MAP4K4: variants seen among roughly 807,000 people sequenced by gnomAD.
The protein encoded by MAP4K4 is mitogen-activated protein kinase kinase kinase kinase 4.
MAP4K4 carries 38 observed loss-of-function variants against 189.6 expected under a neutral mutation model. The observed-to-expected ratio is 0.20, with a 90% CI of 0.15 to 0.26. The LOEUF is 0.26. Among genes scored for constraint, MAP4K4 ranks in the 10% least tolerant of loss-of-function variants. The pLI is 1.00. For missense variants in MAP4K4, 1,054 were observed against 1,726.9 expected, an observed-to-expected ratio of 0.61 and a Z score of 6.91; for synonymous variants, 610 against 624.3, an observed-to-expected ratio of 0.98 and a Z score of 0.34.
At chr2:101,748,114 T>C (rs1414315877) in intron 2 of MAP4K4, among the ~76,000 whole-genome samples, 1 of 152,240 alleles carries the variant, frequency 6.6e-6, no homozygotes, top group Admixed American at 6.5e-5. Context: ...GTCTCTGGTG[T>C]AAAACAGCAT....
At chr2:101,795,435 A>G (rs550129532) in intron 3 of MAP4K4, among the ~76,000 whole-genome samples, 2 of 152,284 alleles carry the variant, frequency 1.3e-5, no homozygotes, top group South Asian at 2.1e-4. Context: ...GTTTCCATCA[A>G]TTACAGCTGT....
chr2:101,764,090 G>A (rs995448397), intron 2 of MAP4K4, among the ~76,000 whole-genome samples: 6 of 152,066 alleles, frequency 3.9e-5, no homozygotes, highest in Non-Finnish European at 7.4e-5. Flanking sequence ...TGTTCCCTAA[G>A]GAGGGTTTAT....
At chr2:101,789,450 A>G (rs1315114033) in intron 2 of MAP4K4, among the ~76,000 whole-genome samples, 1 of 152,154 alleles carries the variant, frequency 6.6e-6, no homozygotes, top group Non-Finnish European at 1.5e-5. Context: ...GGGCACTACT[A>G]TGATCTCACT....
At position 101,859,101 on chromosome 2, in the gene MAP4K4, T is replaced by G. The variant is rs1384019317; in HGVS notation, c.1482+19T>G. Reference sequence around the variant, plus strand: ...GTTACTGGTAAAGCCCCGCCTCTGTTTCATTCTGTAGCATCAGGGCTCCTT... The same window carrying G: ...GTTACTGGTAAAGCCCCGCCTCTGTGTCATTCTGTAGCATCAGGGCTCCTT... On this transcript the variant is annotated intron_variant, in intron 14 of 32. Transcript: ENST00000324219. 5 of 1,602,952 alleles carry G rather than the reference T, an allele frequency of 3.1e-6. No individual in the cohort carries two copies. Among genetic ancestry groups the G allele is most frequent in the African/African-American group, 2.7e-5 (2 of 74,764 alleles).
At chr2:101,737,376 T>A (rs941910633) in intron 2 of MAP4K4, among the ~76,000 whole-genome samples, 1 of 142,466 alleles carries the variant, frequency 7.0e-6, no homozygotes, top group African/African-American at 2.6e-5. Flanking sequence ...ACTTAGGGAA[T>A]GCACAGTATT....
In MAP4K4 at chr2:101,876,866, A is replaced by G. The variant is rs116821088; in HGVS notation, c.3242-137A>G. The G allele has an allele frequency of 3.0e-3, 2,367 of 776,094 alleles. 50 individuals carry two copies. In the African/African-American group the frequency reaches 0.037, roughly 12 times the overall value. 48.1% of individuals were successfully genotyped at this position (776,094 alleles called of 1,614,324 possible). On this transcript the variant is annotated intron_variant, in intron 26 of 32. Coordinates refer to ENST00000324219, the Ensembl canonical transcript of MAP4K4. ...TACTTTAACTGTTTAACCTTTGACTATTTTAAGGATTTCTGCTTCTGGGTG... is the reference window on the plus strand; with the variant it reads ...TACTTTAACTGTTTAACCTTTGACTGTTTTAAGGATTTCTGCTTCTGGGTG...
intron 3 of MAP4K4, among the ~76,000 whole-genome samples, chr2:101,803,824 T>G (rs2094627817): frequency 6.6e-6 from 1 of 152,218 alleles, no homozygotes; most frequent in South Asian, 2.1e-4. Context: ...CATAATACCC[T>G]GACAGAAGGA....
chr2:101,716,645 A>G (rs114588474), intron 2 of MAP4K4, among the ~76,000 whole-genome samples: 22 of 152,264 alleles, frequency 1.4e-4, no homozygotes, highest in African/African-American at 4.1e-4. Context: ...TTCGTGTTGT[A>G]TAAGCATCAT....
chr2:101,730,157 A>T (rs1040460342), intron 2 of MAP4K4, among the ~76,000 whole-genome samples: 1 of 152,214 alleles, frequency 6.6e-6, no homozygotes, highest in Non-Finnish European at 1.5e-5. Flanking sequence ...TTTGTATGTG[A>T]AACCTTTTTT....
At chr2:101,732,725 A>G (rs1180705982) in intron 2 of MAP4K4, among the ~76,000 whole-genome samples, 4 of 152,138 alleles carry the variant, frequency 2.6e-5, no homozygotes, top group African/African-American at 9.7e-5. Flanking sequence ...AGTAGCTGGG[A>G]CTACAGGCTC....
chr2:101,700,470 A>G (rs963029088), intron 2 of MAP4K4, among the ~76,000 whole-genome samples: 6 of 152,212 alleles, frequency 3.9e-5, no homozygotes, highest in African/African-American at 1.4e-4. Context: ...AATCTGTGCA[A>G]AAGTTGCCTA....
exon 30 of MAP4K4, chr2:101,887,234 A>G (rs1266210137): frequency 6.2e-7 from 1 of 1,608,390 alleles, no homozygotes; most frequent in African/African-American, 1.3e-5. Context: ...ATCTACCAAC[A>G]CATGTAAGAA....
At chr2:101,700,534 ATAT>A (rs2037826879) in intron 2 of MAP4K4, among the ~76,000 whole-genome samples, 1 of 152,188 alleles carries the variant, frequency 6.6e-6, no homozygotes. Context: ...TTACATTTTT[ATAT>A]TATTATGGAA....
At chr2:101,824,165 G>A (rs984804675) in intron 4 of MAP4K4, 112 bp downstream of exon 4, 8 of 1,051,136 alleles carry the variant, frequency 7.6e-6, no homozygotes, top group East Asian at 6.1e-5. Context: ...ATAAAGAGGG[G>A]CAGTAAGTAG....
At chr2:101,867,073 C>T (rs1032646543) in intron 19 of MAP4K4, 139 bp from the exon 20 acceptor site, 15 of 616,824 alleles carry the variant, frequency 2.4e-5, no homozygotes, top group Non-Finnish European at 4.4e-5. Flanking sequence ...GCCCCCTCTG[C>T]TCTGTAATTC....
At chr2:101,702,613 C>T (rs1573759073) in intron 2 of MAP4K4, among the ~76,000 whole-genome samples, 2 of 152,132 alleles carry the variant, frequency 1.3e-5, no homozygotes. Flanking sequence ...GAGGACAATT[C>T]TGAGTCTTGG....
intron 6 of MAP4K4, among the ~76,000 whole-genome samples, chr2:101,831,037 C>CA (rs1193567267): frequency 2.6e-5 from 4 of 152,178 alleles, no homozygotes; most frequent in African/African-American, 9.7e-5. Context: ...GGGTTAATGG[C>CA]AGTGTGCGTA....
exon 18 of MAP4K4, chr2:101,864,930 G>C: frequency 1.3e-6 from 2 of 1,554,320 alleles, no homozygotes; most frequent in Non-Finnish European, 1.7e-6. Context: ...CTACTTAAAG[G>C]TTCCTGTGAG....
chr2:101,785,745 T>C (rs1381630758), intron 2 of MAP4K4, among the ~76,000 whole-genome samples: 29 of 10,518 alleles, frequency 2.8e-3, no homozygotes, highest in Admixed American at 6.8e-3. Context: ...TCTCTCTCTC[T>C]CTCTCTCTCT....
Sources: allele counts gnomAD v4.1 joint callset (sites outside exome capture counted in the v4.1 genomes callset), GRCh38; gene constraint gnomAD v4.1.1; transcripts MANE v1.5; gene names NCBI Gene and HGNC (gene_info 2026-07-23, HGNC 2026-07-21).